The following HTR7 variants were observed in gnomAD, a reference collection of about 807,000 sequenced individuals.
The protein encoded by HTR7 is 5-hydroxytryptamine receptor 7, also known as 5-HT-7.
HTR7 carries 16 observed loss-of-function variants against 34.0 expected under a neutral mutation model. That is an observed-to-expected ratio of 0.47 (90% CI 0.32 to 0.71). The LOEUF (loss-of-function observed/expected upper bound fraction) is 0.71. HTR7 is among the 30% of genes least tolerant of loss of function. The probability of loss-of-function intolerance (pLI) is 0.04; values close to 1 mark genes in which losing one functional copy is unlikely to be tolerated. For synonymous variants in HTR7, 265 were observed against 260.2 expected, an observed-to-expected ratio of 1.02 and a Z score of -0.18; for missense variants, 504 against 625.5, an observed-to-expected ratio of 0.81 and a Z score of 2.07.
intron 1 of HTR7, among the ~76,000 whole-genome samples, chr10:90,835,536 C>T (rs1846241107): frequency 1.3e-5 from 2 of 152,190 alleles, no homozygotes; most frequent in Admixed American, 1.3e-4. Flanking sequence ...ATACCAAGAC[C>T]TGATTAAACA....
chr10:90,850,722 G>T (rs1012004456), intron 1 of HTR7, among the ~76,000 whole-genome samples: 1 of 152,260 alleles, frequency 6.6e-6, no homozygotes, highest in East Asian at 1.9e-4. Flanking sequence ...TTCTAGAATT[G>T]TAAAATACTA....
chr10:90,772,451 T>C (rs1315307447), intron 1 of HTR7, among the ~76,000 whole-genome samples: 1 of 152,214 alleles, frequency 6.6e-6, no homozygotes, highest in East Asian at 1.9e-4. Flanking sequence ...CCATTTAACA[T>C]ATTAGCCATT....
At chr10:90,744,147 G>A (rs1844598837) in intron 2 of HTR7, among the ~76,000 whole-genome samples, 1 of 151,762 alleles carries the variant, frequency 6.6e-6, no homozygotes, top group Non-Finnish European at 1.5e-5. Flanking sequence ...TGAGTCTGGA[G>A]GAGTCCAGAA....
chr10:90,771,551 C>T (rs1845112125), intron 1 of HTR7, among the ~76,000 whole-genome samples: 1 of 152,204 alleles, frequency 6.6e-6, no homozygotes, highest in South Asian at 2.1e-4. Flanking sequence ...CCACCACATT[C>T]CCCAATGCCA....
chr10:90,753,975 A>G (rs1041786628), intron 1 of HTR7, among the ~76,000 whole-genome samples: 1 of 152,040 alleles, frequency 6.6e-6, no homozygotes, highest in Non-Finnish European at 1.5e-5. Context: ...AAATATCAAT[A>G]GTAGTTTTAC....
At chr10:90,806,274 T>C (rs1218049060) in intron 1 of HTR7, among the ~76,000 whole-genome samples, 1 of 152,104 alleles carries the variant, frequency 6.6e-6, no homozygotes, top group East Asian at 1.9e-4. Flanking sequence ...GGGTCATCCA[T>C]GGTATGGAGC....
intron 1 of HTR7, among the ~76,000 whole-genome samples, chr10:90,751,799 T>C (rs1455888750): frequency 6.6e-6 from 1 of 152,224 alleles, no homozygotes; most frequent in Admixed American, 6.5e-5. Flanking sequence ...TTCTCTCCCA[T>C]TTCTTCACAC....
chr10:90,777,306 C>A (rs575965958), intron 1 of HTR7, among the ~76,000 whole-genome samples: 5 of 151,894 alleles, frequency 3.3e-5, no homozygotes, highest in Admixed American at 3.3e-4. Flanking sequence ...CATGGTGAAA[C>A]CCTGTCTCTA....
intron 1 of HTR7, among the ~76,000 whole-genome samples, chr10:90,799,086 G>C (rs2119913298): frequency 6.6e-6 from 1 of 152,166 alleles, no homozygotes; most frequent in South Asian, 2.1e-4. Context: ...TGCACTTAAT[G>C]GATCAGCTGG....
intron 1 of HTR7, among the ~76,000 whole-genome samples, chr10:90,834,969 G>A (rs558784611): frequency 1.3e-4 from 20 of 152,208 alleles, no homozygotes; most frequent in South Asian, 8.3e-4. Flanking sequence ...GAATGTTATC[G>A]TCTCCTAGGA....
chr10:90,789,966 A>G (rs1589451171), intron 1 of HTR7, among the ~76,000 whole-genome samples: 1 of 152,172 alleles, frequency 6.6e-6, no homozygotes, highest in East Asian at 1.9e-4. Flanking sequence ...CATTCATTTC[A>G]TTATTTCATT....
In HTR7 at chr10:90,804,868, T is replaced by C. The variant is rs183401357; in HGVS notation, c.539+52265A>G. 2.0e-3 allele frequency among the ~76,000 whole-genome samples: 297 copies of C among 152,262 alleles called. 1 individual carries two copies. Among genetic ancestry groups the C allele is most frequent in the Non-Finnish European group, 3.5e-3 (238 of 68,022 alleles). On this transcript the variant is annotated intron_variant, in intron 1 of 3. Transcript: ENST00000336152. ...CTTCCTCTTGCAACCTCCAATGTCA[T>C]AGAAGGGACCAAAAGAAGGGGAGGA... is the stretch of plus-strand genomic sequence containing the variant.
intron 1 of HTR7, among the ~76,000 whole-genome samples, chr10:90,797,798 T>C (rs920308245): frequency 1.3e-4 from 20 of 152,250 alleles, no homozygotes; most frequent in African/African-American, 4.8e-4. Context: ...TATAACAGAA[T>C]ACCACAGACT....
chr10:90,751,655 A>T (rs931424550), intron 1 of HTR7, among the ~76,000 whole-genome samples: 1 of 152,202 alleles, frequency 6.6e-6, no homozygotes. Flanking sequence ...TCAATAGGGT[A>T]GGTGGTTGAA....
At position 90,742,519 on chromosome 10, in the gene HTR7, A is replaced by C. The variant is rs1356769834; in HGVS notation, c.1403T>G (p.Leu468Arg). 2 of 1,591,896 alleles carry C rather than the reference A, an allele frequency of 1.3e-6. No homozygotes were observed. The highest frequency in any genetic ancestry group is 3.3e-5 in the Admixed American group (2 of 59,766). Residue 468 changes from leucine (L) to arginine (R), a missense_variant, in exon 4 of 4, where the codon CTG becomes CGG. Coordinates refer to ENST00000336152, the MANE Select transcript of HTR7 (RefSeq NM_019859.4). ...CATGACCTTTTTTTCTACAGTAGTC[A>C]GCATTTTGTCTAAAAAAAAGAGAGA... ...DHHNWLADKM[L>R]TTVEKKVMIH...
intron 1 of HTR7, among the ~76,000 whole-genome samples, chr10:90,778,797 A>C (rs987144671): frequency 2.0e-5 from 3 of 152,144 alleles, no homozygotes; most frequent in Non-Finnish European, 4.4e-5. Flanking sequence ...ATGTGTCTCC[A>C]TTCCTGGATA....
rs1844530736 is a variant in HTR7, at chr10:90,740,924, T to C, written c.*1558A>G. ...AAGTTTAACAATATGTATCTGACCA[T>C]AAATAATCATTTAAATTATGAATAT... On this transcript the variant is annotated 3_prime_UTR_variant, in exon 4 of 4. Coordinates refer to ENST00000336152, the MANE Select transcript of HTR7 (RefSeq NM_019859.4). 1 of 152,546 alleles carries C rather than the reference T, an allele frequency of 6.6e-6. No individual in the cohort carries two copies. The highest frequency in any genetic ancestry group is 1.5e-5 in the Non-Finnish European group (1 of 68,018). The allele number at this position is 152,546 out of a possible 1,614,324, so 9.4% of individuals were successfully genotyped here. A position where few individuals can be genotyped will look rare whatever the true frequency, so the allele number is the denominator to read the frequency against.
intron 1 of HTR7, among the ~76,000 whole-genome samples, chr10:90,794,549 A>G (rs1316019306): frequency 6.6e-6 from 1 of 152,156 alleles, no homozygotes; most frequent in Non-Finnish European, 1.5e-5. Flanking sequence ...GCTGGAGTGC[A>G]GTGGTGCAGT....
At chr10:90,851,319 A>G (rs951621996) in intron 1 of HTR7, among the ~76,000 whole-genome samples, 2 of 152,206 alleles carry the variant, frequency 1.3e-5, no homozygotes, top group African/African-American at 4.8e-5. Context: ...TCAAAAATGA[A>G]GCTGAGGCTG....
Sources: allele counts gnomAD v4.1 joint callset (sites outside exome capture counted in the v4.1 genomes callset), GRCh38; gene constraint gnomAD v4.1.1; transcripts MANE v1.5; gene names NCBI Gene and HGNC (gene_info 2026-07-23, HGNC 2026-07-21).